The following TMEM108 variants were observed in gnomAD, a reference collection of about 807,000 sequenced individuals.
The protein encoded by TMEM108 is transmembrane protein 108.
Under a neutral mutation model 35.1 loss-of-function variants are expected in TMEM108, and 12 were observed. The ratio of observed to expected loss-of-function variants is 0.34; its 90% confidence interval spans 0.22 to 0.55. The LOEUF (loss-of-function observed/expected upper bound fraction) is 0.55, where lower values mean the gene tolerates loss of function less well. Among genes scored for constraint, TMEM108 ranks in the 20% least tolerant of loss-of-function variants. The pLI is 0.89. For missense variants in TMEM108, 680 were observed against 753.3 expected (o/e 0.90, Z 1.14); for synonymous variants, 287 against 308.6 (o/e 0.93, Z 0.73).
At chr3:133,096,384 C>T (rs984306596) in intron 2 of TMEM108, among the ~76,000 whole-genome samples, 3 of 152,176 alleles carry the variant, frequency 2.0e-5, no homozygotes, top group African/African-American at 7.2e-5. Context: ...TGGTCTCAAA[C>T]TCCTCACCTC....
chr3:133,305,777 T>C (rs1156906337), intron 3 of TMEM108, among the ~76,000 whole-genome samples: 1 of 152,124 alleles, frequency 6.6e-6, no homozygotes, highest in Non-Finnish European at 1.5e-5. Context: ...TTACAGCCAT[T>C]CTAGTGAATA....
At chr3:133,214,875 C>T (rs535299001) in intron 2 of TMEM108, among the ~76,000 whole-genome samples, 66 of 152,018 alleles carry the variant, frequency 4.3e-4, no homozygotes, top group Non-Finnish European at 7.5e-4. Flanking sequence ...TTGCATGTTC[C>T]TTATAAGAAT....
chr3:133,151,495 T>G (rs1465997912), intron 2 of TMEM108, among the ~76,000 whole-genome samples: 1 of 152,148 alleles, frequency 6.6e-6, no homozygotes, highest in Non-Finnish European at 1.5e-5. Flanking sequence ...ATAAATTTTC[T>G]TTGTAGAGCC....
intron 2 of TMEM108, among the ~76,000 whole-genome samples, chr3:133,068,502 ATACCACCTCC>A (rs1371047921): frequency 5.3e-5 from 8 of 152,268 alleles, no homozygotes; most frequent in South Asian, 2.1e-4. Flanking sequence ...GAGAAATCTT[ATACCACCTCC>A]TAGTCAGGGT....
chr3:133,073,537 A>C (rs1943704723), intron 2 of TMEM108, among the ~76,000 whole-genome samples: 1 of 73,106 alleles, frequency 1.4e-5, no homozygotes, highest in Non-Finnish European at 2.6e-5. Flanking sequence ...TATATATATC[A>C]CATTTTCTTT....
At chr3:133,119,689 A>G (rs1480713411) in intron 2 of TMEM108, among the ~76,000 whole-genome samples, 2 of 152,188 alleles carry the variant, frequency 1.3e-5, no homozygotes, top group African/African-American at 4.8e-5. Flanking sequence ...TCTAGTCATT[A>G]AAGTAGTCCT....
At chr3:133,218,684 T>A (rs1255299629) in intron 2 of TMEM108, among the ~76,000 whole-genome samples, 3 of 152,190 alleles carry the variant, frequency 2.0e-5, no homozygotes, top group Admixed American at 2.0e-4. Context: ...CTTTAATTAG[T>A]AGACTTGTGT....
At chr3:133,094,234 C>CCCCCCACCCCCCAA (rs1553732631) in intron 2 of TMEM108, among the ~76,000 whole-genome samples, 1 of 93,488 alleles carries the variant, frequency 1.1e-5, no homozygotes, top group Non-Finnish European at 2.3e-5. Context: ...CCACCCCCCA[C>CCCCCCACCCCCCAA]CCCCCCCACA....
intron 3 of TMEM108, among the ~76,000 whole-genome samples, chr3:133,271,286 G>T (rs1946768088): frequency 6.6e-6 from 1 of 152,194 alleles, no homozygotes; most frequent in Non-Finnish European, 1.5e-5. Flanking sequence ...AATAGGCAGT[G>T]CTTGAAAACC....
chr3:133,195,199 C>G, intron 2 of TMEM108, among the ~76,000 whole-genome samples: 1 of 152,110 alleles, frequency 6.6e-6, no homozygotes, highest in East Asian at 1.9e-4. Flanking sequence ...CATGTATTGT[C>G]TAATGTAATA....
chr3:133,206,906 G>A lies in TMEM108; in HGVS notation c.-46-22360G>A, dbSNP rs141301550. Among the ~76,000 whole-genome samples, 4 of 152,312 alleles carry A rather than the reference G, an allele frequency of 2.6e-5. No homozygotes were observed. The East Asian group carries it at 5.8e-4, about 22-fold the overall frequency. ...GTCTGCTGAAGCTGGGCCCACAGCC[G>A]GCCCTTCCCCCAGGTGCTGTATCCC... On this transcript the variant is annotated intron_variant, in intron 2 of 5. Coordinates refer to ENST00000321871, the MANE Select transcript of TMEM108 (RefSeq NM_023943.4).
chr3:133,175,788 C>T (rs1945210437), intron 2 of TMEM108, among the ~76,000 whole-genome samples: 1 of 152,212 alleles, frequency 6.6e-6, no homozygotes, highest in Non-Finnish European at 1.5e-5. Context: ...AACCAACTAA[C>T]ATCATAATGA....
At chr3:133,262,764 G>C (rs1370221513) in intron 3 of TMEM108, among the ~76,000 whole-genome samples, 2 of 152,224 alleles carry the variant, frequency 1.3e-5, no homozygotes, top group African/African-American at 4.8e-5. Flanking sequence ...AGAAGATATG[G>C]TTGCTCCCTT....
At chr3:133,319,413 TA>T (rs1297774245) in intron 3 of TMEM108, among the ~76,000 whole-genome samples, 1 of 152,180 alleles carries the variant, frequency 6.6e-6, no homozygotes, top group Non-Finnish European at 1.5e-5. Flanking sequence ...CTCCTGGCTG[TA>T]GGCCAACCAA....
intron 2 of TMEM108, among the ~76,000 whole-genome samples, chr3:133,094,504 A>G (rs1399628122): frequency 6.6e-6 from 1 of 152,220 alleles, no homozygotes; most frequent in East Asian, 1.9e-4. Flanking sequence ...GGCCCCAGGC[A>G]TACCGATAAA....
intron 3 of TMEM108, among the ~76,000 whole-genome samples, chr3:133,326,934 G>A (rs75249360): frequency 0.013 from 1,914 of 152,300 alleles, 16 homozygotes; most frequent in South Asian, 0.024. Context: ...TCCCACCTCC[G>A]TTAGGTGCTC....
At chr3:133,164,492 G>A (rs142211249) in intron 2 of TMEM108, among the ~76,000 whole-genome samples, 76 of 152,308 alleles carry the variant, frequency 5.0e-4, no homozygotes, top group African/African-American at 1.5e-3. Flanking sequence ...GAGACAGTGC[G>A]ATATAGTAGA....
chr3:133,243,581 C>T (rs144229045), intron 3 of TMEM108, among the ~76,000 whole-genome samples: 4,707 of 151,904 alleles, frequency 0.031, 101 homozygotes, highest in South Asian at 0.073. Context: ...AGTAGAGTGG[C>T]GCGATCTCGG....
chr3:133,190,507 A>G (rs1945483392), intron 2 of TMEM108, among the ~76,000 whole-genome samples: 1 of 152,164 alleles, frequency 6.6e-6, no homozygotes, highest in Non-Finnish European at 1.5e-5. Context: ...GAATGTTACT[A>G]TCCTCTTTTC....
Sources: gnomAD v4.1 joint callset for allele counts (sites outside exome capture counted in the v4.1 genomes callset) on GRCh38, gnomAD v4.1.1 for gene constraint, MANE v1.5 for transcripts, NCBI Gene and HGNC (gene_info 2026-07-23, HGNC 2026-07-21) for gene names.